The following GMDS variants were observed in gnomAD, a reference collection of about 807,000 sequenced individuals.
GMDS encodes GDP-mannose 4,6-dehydratase.
A neutral mutation model predicts 49.9 loss-of-function variants in GMDS; 20 were observed. That is an observed-to-expected ratio of 0.40 (90% CI 0.28 to 0.58). GMDS has a LOEUF of 0.58. GMDS is among the 20% of genes least tolerant of loss of function. GMDS has a pLI of 0.42. For synonymous variants in GMDS, 177 were observed against 178.6 expected (o/e 0.99, Z 0.07); for missense variants, 362 against 481.4 (o/e 0.75, Z 2.32).
At chr6:1,761,626 G>T (rs1768159940) in intron 7 of GMDS, among the ~76,000 whole-genome samples, 1 of 152,118 alleles carries the variant, frequency 6.6e-6, no homozygotes, top group Non-Finnish European at 1.5e-5. Flanking sequence ...TTCATTGTTT[G>T]CCTGAACACT....
intron 4 of GMDS, among the ~76,000 whole-genome samples, chr6:2,052,206 G>C (rs1770462581): frequency 6.6e-6 from 1 of 150,966 alleles, no homozygotes; most frequent in African/African-American, 2.4e-5. Context: ...TCACCTTTTA[G>C]TTCAGTCAAC....
intron 6 of GMDS, among the ~76,000 whole-genome samples, chr6:1,932,344 C>T (rs57142351): frequency 3.3e-5 from 5 of 151,982 alleles, no homozygotes; most frequent in Admixed American, 2.6e-4. Flanking sequence ...CCATTTTGTA[C>T]ATGAAGAAGC....
chr6:1,702,888 C>T (rs7745272), intron 9 of GMDS, among the ~76,000 whole-genome samples: 14,316 of 152,124 alleles, frequency 0.094, 1,201 homozygotes, highest in African/African-American at 0.23. Context: ...CCCCAACCCT[C>T]GCTAAGAGGA....
At chr6:2,221,293 C>A (rs1780575372) in intron 1 of GMDS, among the ~76,000 whole-genome samples, 1 of 152,188 alleles carries the variant, frequency 6.6e-6, no homozygotes, top group Non-Finnish European at 1.5e-5. Flanking sequence ...CATGATTTAT[C>A]CATCTGTTTT....
rs977260677 is a variant in GMDS, at chr6:1,938,846, C to T, written c.644-8616G>A. On this transcript the variant is annotated intron_variant, in intron 6 of 10. Transcript: ENST00000380815. ...GTAATTTTCATCTCTTTGCTCTTAT[C>T]TGTAATAGTCTGGGTTAATTTCCGT... is the stretch of plus-strand genomic sequence containing the variant. Among the ~76,000 whole-genome samples the T allele has an allele frequency of 3.3e-5, 5 of 152,066 alleles. No individual in the cohort carries two copies. In the East Asian group the frequency reaches 9.7e-4, roughly 29 times the overall value.
intron 2 of GMDS, 48 bp downstream of exon 2, chr6:2,124,639 T>C: frequency 6.8e-7 from 1 of 1,475,446 alleles, no homozygotes; most frequent in Non-Finnish European, 9.5e-7. Context: ...GGCCGCTGCA[T>C]GCGAGCAACC....
rs1480440560 is a variant in GMDS, at chr6:1,778,856, C to A, written c.772-36270G>T. 6.6e-6 allele frequency among the ~76,000 whole-genome samples: 1 copy of A among 150,734 alleles called. No individual in the cohort carries two copies. Among genetic ancestry groups the A allele is most frequent in the East Asian group, 1.9e-4 (1 of 5,170 alleles). The stretch of plus-strand genomic sequence containing the variant: ...CCTTGCATTTTCTTGTTTTTTTTTT[C>A]TCTTATAGCAGAAATACGCCTGAAA... On this transcript the variant is annotated intron_variant, in intron 7 of 10. Coordinates refer to ENST00000380815, the MANE Select transcript of GMDS (RefSeq NM_001500.4). This position sits in a 1 kb window ranked among gnomAD's most constrained non-coding sequence, Gnocchi z 4.6.
intron 7 of GMDS, among the ~76,000 whole-genome samples, chr6:1,774,492 G>A (rs1339686657): frequency 6.6e-6 from 1 of 152,238 alleles, no homozygotes; most frequent in African/African-American, 2.4e-5. Flanking sequence ...AGCAAAGCAT[G>A]AGGCAATCTC....
chr6:2,013,925 CATAT>C (rs10523956), intron 4 of GMDS, among the ~76,000 whole-genome samples: 3,575 of 124,456 alleles, frequency 0.029, 111 homozygotes, highest in African/African-American at 0.049. Context: ...GGATAAAAAC[CATAT>C]ATATATATAT....
chr6:1,700,038 T>C (rs1248265383), intron 9 of GMDS, among the ~76,000 whole-genome samples: 1 of 152,092 alleles, frequency 6.6e-6, no homozygotes, highest in Non-Finnish European at 1.5e-5. Context: ...GGGAGATATT[T>C]TTGCATTCTT....
chr6:2,151,290 T>TCTATA (rs201144711), intron 1 of GMDS, among the ~76,000 whole-genome samples: 7,035 of 152,150 alleles, frequency 0.046, 269 homozygotes, highest in South Asian at 0.13. Context: ...AACCCATAAA[T>TCTATA]CACTTAATAT....
chr6:2,137,809 T>G (rs1776086050), intron 1 of GMDS, among the ~76,000 whole-genome samples: 1 of 152,198 alleles, frequency 6.6e-6, no homozygotes, highest in African/African-American at 2.4e-5. Flanking sequence ...TGTCTTCCAT[T>G]TCTTTCTGCA....
At chr6:1,943,344 C>T (rs976338382) in intron 6 of GMDS, among the ~76,000 whole-genome samples, 1 of 152,220 alleles carries the variant, frequency 6.6e-6, no homozygotes. Context: ...CACCCTTGCA[C>T]AAGCTACCTG....
At chr6:1,788,256 A>C (rs1354373616) in intron 7 of GMDS, among the ~76,000 whole-genome samples, 1 of 152,218 alleles carries the variant, frequency 6.6e-6, no homozygotes, top group Non-Finnish European at 1.5e-5. Flanking sequence ...GGCAGGCTTA[A>C]AGAATGCAGG....
chr6:1,944,632 T>A (rs919016233), intron 6 of GMDS, among the ~76,000 whole-genome samples: 2 of 138,836 alleles, frequency 1.4e-5, no homozygotes, highest in African/African-American at 5.6e-5. Context: ...ATCGTGCCAC[T>A]GCACTCCAGC....
At chr6:1,827,134 G>GAT (rs533019372) in intron 7 of GMDS, among the ~76,000 whole-genome samples, 2,065 of 124,406 alleles carry the variant, frequency 0.017, 29 homozygotes, top group African/African-American at 0.043. Context: ...GTGTATCCAG[G>GAT]ATATATATAT....
At chr6:1,657,550 A>G (rs1763922918) in intron 9 of GMDS, among the ~76,000 whole-genome samples, 1 of 152,254 alleles carries the variant, frequency 6.6e-6, no homozygotes. Flanking sequence ...TTCAAGCAGG[A>G]CACTGATACC....
intron 9 of GMDS, among the ~76,000 whole-genome samples, chr6:1,683,657 G>A (rs1163653112): frequency 6.6e-6 from 1 of 152,176 alleles, no homozygotes; most frequent in African/African-American, 2.4e-5. Flanking sequence ...GCATTTGGGG[G>A]AAAAACCTTT....
intron 9 of GMDS, among the ~76,000 whole-genome samples, chr6:1,702,484 G>A (rs1448116514): frequency 7.9e-6 from 1 of 126,392 alleles, no homozygotes; most frequent in Admixed American, 1.0e-4. Flanking sequence ...ACTGTATGTG[G>A]GAGGAGTAGT....
Sources: gnomAD v4.1 joint callset for allele counts (sites outside exome capture counted in the v4.1 genomes callset) on GRCh38, gnomAD v4.1.1 for gene constraint, Gnocchi (gnomAD v3.1) non-coding constraint, MANE v1.5 for transcripts, NCBI Gene and HGNC (gene_info 2026-07-23, HGNC 2026-07-21) for gene names.